KCNH7: variants seen among roughly 807,000 people sequenced by gnomAD.
The protein encoded by KCNH7 is voltage-gated inwardly rectifying potassium channel KCNH7.
Under a neutral mutation model 120.8 loss-of-function variants are expected in KCNH7, and 49 were observed. That is an observed-to-expected ratio of 0.41 (90% CI 0.32 to 0.51). KCNH7 has a LOEUF of 0.51. Ranked by LOEUF, KCNH7 falls within the 20% of genes least tolerant of loss-of-function variation. The pLI, the probability that KCNH7 is intolerant of heterozygous loss-of-function variation, is 0.38. For missense variants in KCNH7, 1,097 were observed against 1,446.6 expected, an observed-to-expected ratio of 0.76 and a Z score of 3.92; for synonymous variants, 547 against 516.1, an observed-to-expected ratio of 1.06 and a Z score of -0.81.
At chr2:162,641,095 C>T (rs1045870170) in intron 2 of KCNH7, among the ~76,000 whole-genome samples, 2 of 152,106 alleles carry the variant, frequency 1.3e-5, no homozygotes, top group Non-Finnish European at 2.9e-5. Context: ...TATAATGATA[C>T]AGCCATTATG....
intron 5 of KCNH7, among the ~76,000 whole-genome samples, chr2:162,506,274 C>T (rs944570102): frequency 6.6e-6 from 1 of 151,804 alleles, no homozygotes; most frequent in African/African-American, 2.4e-5. Flanking sequence ...ACTCATCTAG[C>T]CTTCAGATAG....
At chr2:162,459,461 G>A (rs908543841) in intron 6 of KCNH7, among the ~76,000 whole-genome samples, 2 of 152,140 alleles carry the variant, frequency 1.3e-5, no homozygotes, top group African/African-American at 4.8e-5. Flanking sequence ...ACAGTTCCCA[G>A]CCCCATTTGC....
intron 2 of KCNH7, among the ~76,000 whole-genome samples, chr2:162,689,635 T>G (rs1426187692): frequency 6.6e-6 from 1 of 152,136 alleles, no homozygotes. Context: ...CATTTTAATA[T>G]AAAACATTTT....
intron 2 of KCNH7, among the ~76,000 whole-genome samples, chr2:162,678,298 T>C (rs138162297): frequency 1.1e-4 from 16 of 151,540 alleles, no homozygotes; most frequent in African/African-American, 3.9e-4. Flanking sequence ...GCTCAATACA[T>C]GATAGCTACT....
chr2:162,414,655 G>T (rs565036965), intron 9 of KCNH7, among the ~76,000 whole-genome samples: 3 of 151,838 alleles, frequency 2.0e-5, no homozygotes, highest in African/African-American at 7.3e-5. Context: ...GCAAATATAA[G>T]TATAATTATA....
At chr2:162,409,304 G>A (rs1216178420) in intron 9 of KCNH7, among the ~76,000 whole-genome samples, 2 of 151,820 alleles carry the variant, frequency 1.3e-5, no homozygotes, top group African/African-American at 4.8e-5. Flanking sequence ...ATGTGGAATT[G>A]TGGAACTGTG....
chr2:162,646,835 G>A (rs1192265694), intron 2 of KCNH7, among the ~76,000 whole-genome samples: 2 of 152,158 alleles, frequency 1.3e-5, no homozygotes, highest in Non-Finnish European at 2.9e-5. Context: ...TTCTCCAAAG[G>A]CTCCAGGAAA....
At chr2:162,573,273 AGT>A (rs1240047858) in intron 2 of KCNH7, among the ~76,000 whole-genome samples, 5 of 152,064 alleles carry the variant, frequency 3.3e-5, no homozygotes, top group Admixed American at 2.6e-4. Context: ...GCCATGACTG[AGT>A]GTGAGAACAT....
At chr2:162,792,948 G>A (rs1684008643) in intron 2 of KCNH7, among the ~76,000 whole-genome samples, 1 of 151,610 alleles carries the variant, frequency 6.6e-6, no homozygotes, top group South Asian at 2.1e-4. Context: ...TTTTTGATAT[G>A]GGAATTTAAT....
At chr2:162,714,266 T>C (rs2105362995) in intron 2 of KCNH7, among the ~76,000 whole-genome samples, 1 of 152,292 alleles carries the variant, frequency 6.6e-6, no homozygotes, top group East Asian at 1.9e-4. Flanking sequence ...GAGTGGACTT[T>C]TTCTTTAGGA....
chr2:162,829,781 G>A (rs1347155344), intron 2 of KCNH7, among the ~76,000 whole-genome samples: 7 of 146,970 alleles, frequency 4.8e-5, no homozygotes, highest in Non-Finnish European at 4.5e-5. Flanking sequence ...TTAAGAAAAT[G>A]AAAAAAAAAA....
At chr2:162,509,847 T>G (rs1054575668) in intron 5 of KCNH7, among the ~76,000 whole-genome samples, 1 of 151,598 alleles carries the variant, frequency 6.6e-6, no homozygotes, top group Non-Finnish European at 1.5e-5. Context: ...TATGACAGAT[T>G]CATAGACTAA....
chr2:162,765,856 C>T (rs1682782171), intron 2 of KCNH7, among the ~76,000 whole-genome samples: 2 of 152,092 alleles, frequency 1.3e-5, no homozygotes, highest in Admixed American at 6.6e-5. Context: ...TGCTCTTGGG[C>T]TCAAATGATC....
Position 162,739,336 on chromosome 2 carries a change from C to G in KCNH7, c.307+97201G>C, listed in dbSNP as rs60999974. ...TCCCAGCTGATGTTATTCCTAATGT[C>G]AACTGTCTACTCTCATTTCTGATTG... On this transcript the variant is annotated intron_variant, in intron 2 of 15. Coordinates refer to ENST00000332142, the MANE Select transcript of KCNH7 (RefSeq NM_033272.4). Among the ~76,000 whole-genome samples the G allele has an allele frequency of 2.5e-3, 385 of 152,262 alleles. 3 individuals are homozygous for G. The highest frequency in any genetic ancestry group is 8.9e-3 in the African/African-American group (368 of 41,532).
At chr2:162,711,554 C>A (rs1158380397) in intron 2 of KCNH7, among the ~76,000 whole-genome samples, 6 of 152,324 alleles carry the variant, frequency 3.9e-5, no homozygotes, top group African/African-American at 1.4e-4. Flanking sequence ...AAATTTAGTT[C>A]TTATTTTTTT....
intron 6 of KCNH7, among the ~76,000 whole-genome samples, chr2:162,454,300 A>G (rs917974770): frequency 2.0e-5 from 3 of 151,976 alleles, no homozygotes; most frequent in East Asian, 1.9e-4. Flanking sequence ...GTTCTGTTCC[A>G]TTGGTCTGTA....
At chr2:162,728,734 C>A (rs554069703) in intron 2 of KCNH7, among the ~76,000 whole-genome samples, 1 of 152,086 alleles carries the variant, frequency 6.6e-6, no homozygotes, top group Non-Finnish European at 1.5e-5. Flanking sequence ...GCCAAGATTG[C>A]GCCATTGTAC....
chr2:162,722,101 G>A (rs1032202461), intron 2 of KCNH7, among the ~76,000 whole-genome samples: 1 of 151,754 alleles, frequency 6.6e-6, no homozygotes, highest in Non-Finnish European at 1.5e-5. Flanking sequence ...TACCACTAAG[G>A]GAACATAAGC....
At chr2:162,390,208 A>G (rs1282714831) in intron 12 of KCNH7, among the ~76,000 whole-genome samples, 2 of 151,728 alleles carry the variant, frequency 1.3e-5, no homozygotes, top group Admixed American at 6.6e-5. Context: ...GTAAGTAAAC[A>G]TACATAAATG....
Sources: allele counts gnomAD v4.1 joint callset (sites outside exome capture counted in the v4.1 genomes callset), GRCh38; gene constraint gnomAD v4.1.1; transcripts MANE v1.5; gene names NCBI Gene and HGNC (gene_info 2026-07-23, HGNC 2026-07-21).